Variants in GOLGB1 observed in about 807,000 individuals in gnomAD.
GOLGB1 encodes the protein golgin B1.
A neutral mutation model predicts 336.9 loss-of-function variants in GOLGB1; 174 were observed. The observed-to-expected ratio is 0.52, with a 90% CI of 0.46 to 0.59. GOLGB1 has a LOEUF of 0.59. Ranked by LOEUF, GOLGB1 falls within the 20% of genes least tolerant of loss-of-function variation. GOLGB1 has a pLI of 0.00. For missense variants in GOLGB1, 3,331 were observed against 3,645.3 expected (o/e 0.91, Z 2.22); for synonymous variants, 1,208 against 1,289.2 (o/e 0.94, Z 1.35).
intron 13 of GOLGB1, 50 bp from the exon 14 acceptor site, chr3:121,692,631 G>T: frequency 9.6e-7 from 1 of 1,045,526 alleles, no homozygotes; most frequent in Non-Finnish European, 1.4e-6. Context: ...AAAAAACTGT[G>T]TTTCCCAAGG....
chr3:121,693,183 T>C (rs1942615122), intron 13 of GOLGB1, among the ~76,000 whole-genome samples: 1 of 151,940 alleles, frequency 6.6e-6, no homozygotes, highest in African/African-American at 2.4e-5. Context: ...GTAGTTGAAA[T>C]GGAAATGAAA....
At chr3:121,727,879 T>A (rs912748424) in intron 4 of GOLGB1, among the ~76,000 whole-genome samples, 4 of 152,150 alleles carry the variant, frequency 2.6e-5, no homozygotes, top group African/African-American at 9.7e-5. Context: ...CTGTATTGAG[T>A]ATATAATAGT....
intron 5 of GOLGB1, among the ~76,000 whole-genome samples, chr3:121,726,662 A>G (rs1455419153): frequency 6.6e-6 from 1 of 152,124 alleles, no homozygotes; most frequent in Non-Finnish European, 1.5e-5. Context: ...ACAAAAAAAC[A>G]AACTTAAAAT....
intron 1 of GOLGB1, among the ~76,000 whole-genome samples, chr3:121,740,176 A>G (rs1946756660): frequency 6.6e-6 from 1 of 152,208 alleles, no homozygotes; most frequent in Non-Finnish European, 1.5e-5. Flanking sequence ...CACAGGTGAT[A>G]TAACACTGCA....
rs1944930563 is a variant in GOLGB1, at chr3:121,718,368, T to C, written c.885+20A>G. 2.7e-6 allele frequency: 4 copies of C among 1,492,722 alleles called. No homozygotes were observed. The highest frequency in any genetic ancestry group is 3.7e-6 in the Non-Finnish European group (4 of 1,071,954). The allele number at this position is 1,492,722 out of a possible 1,614,324, so 92.5% of individuals were successfully genotyped here. On this transcript the variant is annotated intron_variant, in intron 8 of 21. Coordinates refer to ENST00000614479, the MANE Select transcript of GOLGB1 (RefSeq NM_001366282.2). The stretch of plus-strand genomic sequence containing the variant: ...AATGAATACCCTCCAAGGCAGGAAG[T>C]AAAGATTAAAAGGCAGTACCTGGTT...
intron 5 of GOLGB1, among the ~76,000 whole-genome samples, chr3:121,725,227 A>G (rs1350730987): frequency 6.6e-6 from 1 of 152,196 alleles, no homozygotes; most frequent in East Asian, 1.9e-4. Context: ...CTATAGAGCT[A>G]CCAGTGTGCA....
rs1259677063 is a variant in GOLGB1, at chr3:121,664,178, A to G, written c.*302T>C. On this transcript the variant is annotated 3_prime_UTR_variant, in exon 22 of 22. Coordinates refer to ENST00000614479, the MANE Select transcript of GOLGB1 (RefSeq NM_001366282.2). ...AAAGACATTCCTCAGTATCTTTTAC[A>G]GGACCACAAAAGATCAGGGTCCTGC... 5.9e-6 allele frequency: 2 copies of G among 336,852 alleles called. No homozygotes were observed. Among genetic ancestry groups the G allele is most frequent in the African/African-American group, 4.1e-5 (2 of 49,208 alleles). 20.9% of individuals were successfully genotyped at this position (336,852 alleles called of 1,614,324 possible). A position where few individuals can be genotyped will look rare whatever the true frequency, so the allele number is the denominator to read the frequency against.
At chr3:121,724,576 A>AG (rs397751273) in intron 5 of GOLGB1, among the ~76,000 whole-genome samples, 5 of 151,744 alleles carry the variant, frequency 3.3e-5, no homozygotes, top group Admixed American at 1.3e-4. Context: ...AAAAAAAAAA[A>AG]TTGGAAAATT....
Position 121,695,819 on chromosome 3 carries a change from C to T in GOLGB1, c.4704G>A (p.Gln1568=). 1 of 1,613,998 alleles carries T rather than the reference C, an allele frequency of 6.2e-7. No individual in the cohort carries two copies. Among genetic ancestry groups the T allele is most frequent in the South Asian group, 1.1e-5 (1 of 91,076 alleles). ...TEMDRSLLEN[Q]SLSSSCESLK... ...GACTTTCACAGGAGCTGCTGAGACT[C>T]TGATTTTCCAATAAAGACCTGTCCA... The change falls in exon 13 of 22, where the codon CAG becomes CAA. Residue 1568 remains glutamine (Q), a synonymous_variant. Transcript: ENST00000614479.
chr3:121,690,933 G>A lies in GOLGB1; in HGVS notation c.8431C>T (p.Leu2811Phe). The A allele has an allele frequency of 1.9e-6, 3 of 1,614,206 alleles. No individual in the cohort carries two copies. The highest frequency in any genetic ancestry group is 2.5e-6 in the Non-Finnish European group (3 of 1,180,010). Residue 2811 changes from leucine (L) to phenylalanine (F), a missense_variant, in exon 14 of 22, where the codon CTT becomes TTT. Transcript: ENST00000614479. ...EENSLSHLEKLNQQLLSKDEQ... is the reference protein window; with the variant it reads ...EENSLSHLEKFNQQLLSKDEQ... The stretch of plus-strand genomic sequence containing the variant: ...TCTTTGGATAGGAGCTGTTGGTTAA[G>A]TTTCTCAAGGTGAGACAAGCTATTC...
At position 121,689,521 on chromosome 3, in the gene GOLGB1, C is replaced by T. The variant is rs1553860560; in HGVS notation, c.8694+1149G>A. On this transcript the variant is annotated intron_variant, in intron 14 of 21. Transcript: ENST00000614479. The stretch of plus-strand genomic sequence containing the variant: ...CAGGGACACAAACACTGCGGAAGGC[C>T]GCAGGGTCCTCTGCCTAGGAAAACC... 5.3e-5 allele frequency among the ~76,000 whole-genome samples: 8 copies of T among 151,642 alleles called. No individual in the cohort carries two copies. In the South Asian group the frequency reaches 6.3e-4, roughly 12 times the overall value.
intron 1 of GOLGB1, among the ~76,000 whole-genome samples, chr3:121,747,261 A>ATATATATG (rs1161947223): frequency 2.0e-4 from 28 of 136,814 alleles, no homozygotes; most frequent in East Asian, 6.0e-4. Flanking sequence ...ATGTGTGTAT[A>ATATATATG]TATATATGTA....
chr3:121,666,828 A>T (rs192306698), intron 20 of GOLGB1, among the ~76,000 whole-genome samples: 3 of 152,342 alleles, frequency 2.0e-5, no homozygotes, highest in Admixed American at 2.0e-4. Flanking sequence ...CCTCTCATGC[A>T]TAGTGATTCT....
Position 121,694,176 on chromosome 3 carries a change from G to T in GOLGB1, c.6347C>A (p.Ser2116Ter). Reference protein sequence around the residue: ...LKKELQSNKESVKSQMKQKDE... With the variant: ...LKKELQSNKE Reference sequence around the variant, plus strand: ...CTTTTGTTTCATCTGGCTTTTAACTGATTCTTTATTTGACTGAAGTTCCTT... The same window carrying T: ...CTTTTGTTTCATCTGGCTTTTAACTTATTCTTTATTTGACTGAAGTTCCTT... Residue 2116 changes from serine (S) to a stop codon, truncating the protein, a stop_gained, in exon 13 of 22, where the codon TCA (serine) becomes TAA (stop). Transcript: ENST00000614479. LOFTEE classifies it high-confidence loss of function. 2 of 1,613,424 alleles carry T rather than the reference G, an allele frequency of 1.2e-6. No individual in the cohort carries two copies. The highest frequency in any genetic ancestry group is 1.7e-6 in the Non-Finnish European group (2 of 1,179,938).
intron 11 of GOLGB1, among the ~76,000 whole-genome samples, chr3:121,701,142 A>G (rs765710046): frequency 7.2e-5 from 11 of 152,180 alleles, no homozygotes; most frequent in Non-Finnish European, 1.6e-4. Context: ...ATGACATACA[A>G]GGTAAAAGTA....
At chr3:121,727,561 T>C (rs765066951) in intron 4 of GOLGB1, among the ~76,000 whole-genome samples, 1 of 151,856 alleles carries the variant, frequency 6.6e-6, no homozygotes, top group Non-Finnish European at 1.5e-5. Context: ...ACCCGAAGTC[T>C]TGTTGCCTTG....
intron 14 of GOLGB1, among the ~76,000 whole-genome samples, chr3:121,682,267 C>A (rs1036778168): frequency 5.9e-5 from 9 of 152,188 alleles, no homozygotes; most frequent in Non-Finnish European, 1.5e-5. Flanking sequence ...TCCTACAGGG[C>A]TATCAATCTT....
Position 121,697,301 on chromosome 3 carries a change from T to C in GOLGB1, c.3222A>G (p.Lys1074=), listed in dbSNP as rs1943032511. The C allele has an allele frequency of 6.2e-7, 1 of 1,613,732 alleles. No homozygotes were observed. The highest frequency in any genetic ancestry group is 8.5e-7 in the Non-Finnish European group (1 of 1,179,756). The change falls in exon 13 of 22, where the codon AAA becomes AAG. Residue 1074 remains lysine, a synonymous_variant. Transcript: ENST00000614479. Reference sequence around the variant, plus strand: ...TCCTTATATGCTGTAGTTCCACTTCTTTCTCAGATATTGTCTGTTTTAAAT... The same window carrying C: ...TCCTTATATGCTGTAGTTCCACTTCCTTCTCAGATATTGTCTGTTTTAAAT... ...EIYLKQTISE[K]EVELQHIRKD... is the part of the protein sequence containing the mutation.
chr3:121,740,844 T>A (rs114654118), intron 1 of GOLGB1, among the ~76,000 whole-genome samples: 2,256 of 152,104 alleles, frequency 0.015, 38 homozygotes, highest in African/African-American at 0.048. Context: ...AAATTTTTTT[T>A]AAAAAGATTT....
Sources: gnomAD v4.1 joint callset for allele counts (sites outside exome capture counted in the v4.1 genomes callset) on GRCh38, gnomAD v4.1.1 for gene constraint, MANE v1.5 for transcripts, NCBI Gene and HGNC (gene_info 2026-07-23, HGNC 2026-07-21) for gene names.